The following RALYL variants were observed in gnomAD, a reference collection of about 807,000 sequenced individuals.
The protein encoded by RALYL is RNA-binding Raly-like protein.
A neutral mutation model predicts 35.1 loss-of-function variants in RALYL; 29 were observed. The observed-to-expected ratio is 0.83, with a 90% CI of 0.61 to 1.13. RALYL has a LOEUF of 1.13. RALYL is among the 50% of genes most tolerant of loss of function. RALYL has a pLI of 0.00. For missense variants in RALYL, 359 were observed against 360.4 expected (o/e 1.00, Z 0.03); for synonymous variants, 120 against 127.6 (o/e 0.94, Z 0.40).
intron 2 of RALYL, among the ~76,000 whole-genome samples, chr8:84,772,395 A>T (rs1271822665): frequency 1.3e-5 from 2 of 152,134 alleles, no homozygotes; most frequent in Non-Finnish European, 2.9e-5. Flanking sequence ...TACATAAAAA[A>T]TATTGGGGAT....
chr8:84,216,332 A>G (rs1010291182), intron 1 of RALYL, among the ~76,000 whole-genome samples: 2 of 152,188 alleles, frequency 1.3e-5, no homozygotes, highest in African/African-American at 2.4e-5. Context: ...ATGAAGAAAT[A>G]TAATATTATT....
rs1432053396 is a variant in RALYL at position 84,838,755 on chromosome 8, AT to A, written c.366-11221del. ...CAGCAACTGAGAAAAATAAAAATGA[AT>A]TTTCTTTTCCTGTGTACTTTTAAAT... On this transcript the variant is annotated intron_variant, in intron 4 of 8. Transcript: ENST00000521268. 5.9e-5 allele frequency among the ~76,000 whole-genome samples: 9 copies of A among 152,184 alleles called. No homozygotes were observed. In the East Asian group the frequency reaches 1.7e-3, roughly 29 times the overall value.
At chr8:84,256,397 C>A (rs1158823553) in intron 1 of RALYL, among the ~76,000 whole-genome samples, 1 of 152,052 alleles carries the variant, frequency 6.6e-6, no homozygotes, top group African/African-American at 2.4e-5. Context: ...GTTCTTATAT[C>A]GAATAGCAGG....
intron 1 of RALYL, among the ~76,000 whole-genome samples, chr8:84,253,464 T>G (rs569594840): frequency 6.6e-6 from 1 of 151,754 alleles, no homozygotes; most frequent in East Asian, 1.9e-4. Flanking sequence ...CCTCTCAAAG[T>G]GCTAGGATTA....
At chr8:84,637,747 C>A (rs186798491) in intron 2 of RALYL, among the ~76,000 whole-genome samples, 1 of 151,880 alleles carries the variant, frequency 6.6e-6, no homozygotes, top group Admixed American at 6.6e-5. Flanking sequence ...AGCTGGGTTG[C>A]TGACTAACTG....
chr8:84,209,810 C>T (rs2131143996), intron 1 of RALYL, among the ~76,000 whole-genome samples: 1 of 152,292 alleles, frequency 6.6e-6, no homozygotes, highest in South Asian at 2.1e-4. Context: ...AACACCTCTT[C>T]ATCCCCAACT....
intron 1 of RALYL, among the ~76,000 whole-genome samples, chr8:84,401,971 G>T (rs1484389554): frequency 1.3e-5 from 2 of 151,988 alleles, no homozygotes; most frequent in Non-Finnish European, 2.9e-5. Context: ...GAAATCACTT[G>T]TAACCCTTTC....
At chr8:84,795,031 C>G (rs1296999820) in intron 3 of RALYL, among the ~76,000 whole-genome samples, 1 of 152,178 alleles carries the variant, frequency 6.6e-6, no homozygotes, top group Non-Finnish European at 1.5e-5. Flanking sequence ...GCAAATGAAA[C>G]TTACCAAGGG....
intron 1 of RALYL, among the ~76,000 whole-genome samples, chr8:84,296,584 C>T (rs1324640207): frequency 6.7e-6 from 1 of 149,604 alleles, no homozygotes; most frequent in Non-Finnish European, 1.5e-5. Context: ...GCCTGTTTTA[C>T]CTATTCCCTA....
At chr8:84,289,971 G>C (rs548136392) in intron 1 of RALYL, among the ~76,000 whole-genome samples, 1 of 152,284 alleles carries the variant, frequency 6.6e-6, no homozygotes, top group South Asian at 2.1e-4. Flanking sequence ...GTAGGAGACT[G>C]TCTGGTTTGA....
At chr8:84,407,409 T>G (rs1157443101) in intron 1 of RALYL, among the ~76,000 whole-genome samples, 1 of 152,252 alleles carries the variant, frequency 6.6e-6, no homozygotes, top group African/African-American at 2.4e-5. Flanking sequence ...CATGCAAAAG[T>G]AGAGACAATG....
chr8:84,211,830 GA>G (rs1422494150), intron 1 of RALYL, among the ~76,000 whole-genome samples: 2 of 151,962 alleles, frequency 1.3e-5, no homozygotes, highest in East Asian at 3.9e-4. Flanking sequence ...TAACCCTAGG[GA>G]AAAATCTGTG....
intron 2 of RALYL, among the ~76,000 whole-genome samples, chr8:84,703,092 G>T (rs1479234504): frequency 6.6e-6 from 1 of 151,984 alleles, no homozygotes; most frequent in Non-Finnish European, 1.5e-5. Context: ...AGGTTCCCCA[G>T]GTTCCACTTT....
intron 1 of RALYL, among the ~76,000 whole-genome samples, chr8:84,231,225 TTGGA>T (rs1253573769): frequency 6.6e-6 from 1 of 152,144 alleles, no homozygotes; most frequent in Non-Finnish European, 1.5e-5. Flanking sequence ...TAAAGAAATG[TTGGA>T]TGGATGAGAG....
chr8:84,839,892 C>T (rs1306452727), intron 4 of RALYL, among the ~76,000 whole-genome samples: 6 of 152,188 alleles, frequency 3.9e-5, no homozygotes, highest in Admixed American at 1.3e-4. Context: ...CTCCAACAGA[C>T]CTGCAGCTGA....
intron 1 of RALYL, among the ~76,000 whole-genome samples, chr8:84,396,330 A>G (rs1348163710): frequency 1.3e-5 from 2 of 152,108 alleles, no homozygotes; most frequent in African/African-American, 4.8e-5. Flanking sequence ...TGCCTAAAAG[A>G]TAATTTATAT....
intron 1 of RALYL, among the ~76,000 whole-genome samples, chr8:84,520,900 A>G (rs902881869): frequency 2.0e-5 from 3 of 152,172 alleles, no homozygotes; most frequent in Admixed American, 2.0e-4. Flanking sequence ...TTTGGGGACC[A>G]CTGGTTTACA....
chr8:84,211,603 A>C (rs1357381585), intron 1 of RALYL, among the ~76,000 whole-genome samples: 2 of 152,154 alleles, frequency 1.3e-5, no homozygotes, highest in Admixed American at 1.3e-4. Context: ...TCTATGTTTG[A>C]AAATGGCTGT....
At chr8:84,238,418 T>C (rs1231157293) in intron 1 of RALYL, among the ~76,000 whole-genome samples, 1 of 152,158 alleles carries the variant, frequency 6.6e-6, no homozygotes, top group Non-Finnish European at 1.5e-5. Context: ...TTGTTCTTTA[T>C]TTATATTTAT....
Sources: gnomAD v4.1 joint callset for allele counts (sites outside exome capture counted in the v4.1 genomes callset) on GRCh38, gnomAD v4.1.1 for gene constraint, MANE v1.5 for transcripts, NCBI Gene and HGNC (gene_info 2026-07-23, HGNC 2026-07-21) for gene names.